CACNG1: variants seen among roughly 807,000 people sequenced by gnomAD.
CACNG1 encodes calcium voltage-gated channel auxiliary subunit gamma 1.
A neutral mutation model predicts 22.0 loss-of-function variants in CACNG1; 21 were observed. The observed-to-expected ratio is 0.95, with a 90% CI of 0.68 to 1.37. The LOEUF (loss-of-function observed/expected upper bound fraction) is 1.37. Among genes scored for constraint, CACNG1 ranks in the 40% most tolerant of loss-of-function variants. The pLI, the probability that CACNG1 is intolerant of heterozygous loss-of-function variation, is 0.00. For missense variants in CACNG1, 291 were observed against 308.6 expected (o/e 0.94, Z 0.43); for synonymous variants, 127 against 129.2 (o/e 0.98, Z 0.12).
Position 67,054,976 on chromosome 17 carries a change from T to C in CACNG1, c.305-127T>C. 1.1e-6 allele frequency: 1 copy of C among 920,290 alleles called. No homozygotes were observed. The highest frequency in any genetic ancestry group is 1.8e-5 in the African/African-American group (1 of 55,646). The allele number at this position is 920,290 out of a possible 1,614,324, so 57.0% of individuals were successfully genotyped here. On this transcript the variant is annotated intron_variant, in intron 2 of 3. Coordinates refer to ENST00000226021, the MANE Select transcript of CACNG1 (RefSeq NM_000727.4). The surrounding 1 kb of genome is among the most constrained non-coding windows in gnomAD (Gnocchi z 4.6). ...ACAAGACAGACACAGAGACACACAC[T>C]TGACACACACACAATGACACACACA...
rs1024707786 is a variant in CACNG1, at chr17:67,056,205, G to A, written c.603G>A (p.Leu201=). 8.7e-6 allele frequency: 14 copies of A among 1,613,786 alleles called. No individual in the cohort carries two copies. The highest frequency in any genetic ancestry group is 4.0e-5 in the African/African-American group (3 of 74,854). The change falls in exon 4 of 4, where the codon CTG becomes CTA. Residue 201 remains leucine (L), a synonymous_variant. Transcript: ENST00000226021. The surrounding 1 kb of genome is among the most constrained non-coding windows in gnomAD (Gnocchi z 4.3). ...LLFLGGLALL[L]FSLPRMPRNP... ...TTCTCGGCGGTCTCGCCCTCCTGCT[G>A]TTCTCCCTGCCTCGAATGCCCCGGA...
At position 67,044,691 on chromosome 17, in the gene CACNG1, G is replaced by T; in HGVS notation, c.31G>T (p.Val11Leu). 1 of 1,609,400 alleles carries T rather than the reference G, an allele frequency of 6.2e-7. No homozygotes were observed. MSQTKMLKVRVTLFCILAGIV... is the reference protein window; with the variant it reads MSQTKMLKVRLTLFCILAGIV... The stretch of plus-strand genomic sequence containing the variant: ...CCAGACCAAAATGCTGAAGGTCCGC[G>T]TGACCCTCTTCTGCATCCTGGCAGG... The change falls in exon 1 of 4, where the codon GTG becomes TTG. Residue 11 changes from valine (V) to leucine (L), a missense_variant. Coordinates refer to ENST00000226021, the MANE Select transcript of CACNG1 (RefSeq NM_000727.4). The surrounding 1 kb of genome is among the most constrained non-coding windows in gnomAD (Gnocchi z 6.9).
At chr17:67,051,332 T>G (rs1411238002) in intron 1 of CACNG1, among the ~76,000 whole-genome samples, 2 of 152,164 alleles carry the variant, frequency 1.3e-5, no homozygotes, top group Non-Finnish European at 2.9e-5. Context: ...TGATTTGTCC[T>G]AAATGAGGCC....
chr17:67,051,965 T>A (rs914567233), intron 1 of CACNG1, among the ~76,000 whole-genome samples: 3 of 152,190 alleles, frequency 2.0e-5, no homozygotes, highest in Non-Finnish European at 2.9e-5. Flanking sequence ...GACCATGAAA[T>A]ACACTTGAAT....
At position 67,056,198 on chromosome 17, in the gene CACNG1, T is replaced by C; in HGVS notation, c.596T>C (p.Leu199Pro). Residue 199 changes from leucine (L) to proline (P), a missense_variant, in exon 4 of 4, where the codon CTC (leucine) becomes CCC (proline). Transcript: ENST00000226021. This position sits in a 1 kb window ranked among gnomAD's most constrained non-coding sequence, Gnocchi z 4.3. ...FILLFLGGLA[L>P]LLFSLPRMPR... is the part of the protein sequence containing the mutation. ...CTCCTCTTTCTCGGCGGTCTCGCCC[T>C]CCTGCTGTTCTCCCTGCCTCGAATG... 1 of 1,613,892 alleles carries C rather than the reference T, an allele frequency of 6.2e-7. No individual in the cohort carries two copies.
rs776408885 is a variant in CACNG1, at chr17:67,044,722, T to C, written c.62T>C (p.Val21Ala). The change falls in exon 1 of 4, where the codon GTG becomes GCG. Residue 21 changes from valine to alanine, a missense_variant. Val to Ala is a moderately conservative substitution (Grantham distance 64). Transcript: ENST00000226021. The surrounding 1 kb of genome is among the most constrained non-coding windows in gnomAD (Gnocchi z 6.9). Reference protein sequence around the residue: ...VTLFCILAGIVLAMTAVVTDH... With the variant: ...VTLFCILAGIALAMTAVVTDH... ...CTCTTCTGCATCCTGGCAGGCATCG[T>C]GCTGGCCATGACAGCCGTGGTAACC... is the stretch of plus-strand genomic sequence containing the variant. The C allele has an allele frequency of 2.5e-6, 4 of 1,612,328 alleles. No homozygotes were observed. Among genetic ancestry groups the C allele is most frequent in the Non-Finnish European group, 3.4e-6 (4 of 1,180,010 alleles).
At position 67,055,259 on chromosome 17, in the gene CACNG1, C is replaced by T; in HGVS notation, c.442+19C>T. On this transcript the variant is annotated intron_variant, in intron 3 of 3. Coordinates refer to ENST00000226021, the MANE Select transcript of CACNG1 (RefSeq NM_000727.4). This position sits in a 1 kb window ranked among gnomAD's most constrained non-coding sequence, Gnocchi z 4.5. Reference sequence around the variant, plus strand: ...TTTGCAGGTAGACTGGGGGATCTGCCTGAGCGCCGGGGCCGGGGGACCATG... The same window carrying T: ...TTTGCAGGTAGACTGGGGGATCTGCTTGAGCGCCGGGGCCGGGGGACCATG... 1 of 1,605,950 alleles carries T rather than the reference C, an allele frequency of 6.2e-7. No individual in the cohort carries two copies. The highest frequency in any genetic ancestry group is 1.3e-5 in the African/African-American group (1 of 74,920).
rs200115411 is a variant in CACNG1 at position 67,044,852 on chromosome 17, C to T, written c.192C>T (p.Asp64=). The change falls in exon 1 of 4, where the codon GAC becomes GAT. Residue 64 remains aspartate, a synonymous_variant. Coordinates refer to ENST00000226021, the MANE Select transcript of CACNG1 (RefSeq NM_000727.4). The surrounding 1 kb of genome is among the most constrained non-coding windows in gnomAD (Gnocchi z 6.9). ...TTTGTACCAAGCGCATCCCCATGGA[C>T]GACAGCAAGACCTGCGGGCCCATCA... ...WRICTKRIPM[D]DSKTCGPITL... 7.0e-5 allele frequency: 113 copies of T among 1,613,386 alleles called. No homozygotes were observed. Among genetic ancestry groups the T allele is most frequent in the Admixed American group, 8.3e-5 (5 of 60,020 alleles).
Position 67,048,421 on chromosome 17 carries a change from GGAGTTAGA to G in CACNG1, c.229+3535_229+3542del, listed in dbSNP as rs2035710228. Among the ~76,000 whole-genome samples, 12 of 152,124 alleles carry G rather than the reference GGAGTTAGA, an allele frequency of 7.9e-5. No individual in the cohort carries two copies. In the South Asian group the frequency reaches 2.5e-3, roughly 32 times the overall value. On this transcript the variant is annotated intron_variant, in intron 1 of 3. Transcript: ENST00000226021. ...TAGGTGAGGGAATTGTTTGATCCCA[GGAGTTAGA>G]GACTACAGTGAACTATGATCATGCC... is the stretch of plus-strand genomic sequence containing the variant.
Position 67,044,913 on chromosome 17 carries a change from G to A in CACNG1, c.229+24G>A, listed in dbSNP as rs745929237. ...GGGTAACGTACCCACCCTCCGTCCC[G>A]ATCCCCACCTCCTGCTCTTCCCCGT... On this transcript the variant is annotated intron_variant, in intron 1 of 3. Transcript: ENST00000226021. The surrounding 1 kb of genome is among the most constrained non-coding windows in gnomAD (Gnocchi z 6.9). The A allele has an allele frequency of 3.8e-5, 60 of 1,566,172 alleles. 1 individual carries two copies. The highest frequency in any genetic ancestry group is 8.5e-5 in the Admixed American group (5 of 58,864).
rs1257298909 is a variant in CACNG1 at position 67,056,767 on chromosome 17, C to G, written c.*496C>G. 1.9e-5 allele frequency: 3 copies of G among 155,698 alleles called. No homozygotes were observed. The highest frequency in any genetic ancestry group is 1.2e-4 in the Admixed American group (2 of 16,098). The allele number at this position is 155,698 out of a possible 1,614,324, so 9.6% of individuals were successfully genotyped here. On this transcript the variant is annotated 3_prime_UTR_variant, in exon 4 of 4. Coordinates refer to ENST00000226021, the MANE Select transcript of CACNG1 (RefSeq NM_000727.4). This position sits in a 1 kb window ranked among gnomAD's most constrained non-coding sequence, Gnocchi z 4.3. The stretch of plus-strand genomic sequence containing the variant: ...GCATTTTTAACTGGGTAGAATCTGA[C>G]TGTGGCTTGAAATAAAAAGCTCTCA...
Position 67,055,108 on chromosome 17 carries a change from A to G in CACNG1, c.310A>G (p.Ser104Gly). The change falls in exon 3 of 4, where the codon AGC (serine) becomes GGC (glycine). Residue 104 changes from serine to glycine, a missense_variant. Transcript: ENST00000226021. The surrounding 1 kb of genome is among the most constrained non-coding windows in gnomAD (Gnocchi z 4.5). ...GGTGTCCCTTGTGTTTGCAGAGTACAGCATCTCGGCAGCCGCCATCGCCAT... is the reference window on the plus strand; with the variant it reads ...GGTGTCCCTTGTGTTTGCAGAGTACGGCATCTCGGCAGCCGCCATCGCCAT... ...IFEFTTQKEY[S>G]ISAAAIAIFS... 1 of 1,613,954 alleles carries G rather than the reference A, an allele frequency of 6.2e-7. No homozygotes were observed. The highest frequency in any genetic ancestry group is 1.1e-5 in the South Asian group (1 of 91,058).
Position 67,044,964 on chromosome 17 carries a change from C to A in CACNG1, c.229+75C>A, listed in dbSNP as rs540371507. 1.4e-5 allele frequency: 17 copies of A among 1,218,924 alleles called. No homozygotes were observed. The Admixed American group carries it at 2.4e-4, about 17-fold the overall frequency. The allele number at this position is 1,218,924 out of a possible 1,614,324, so 75.5% of individuals were successfully genotyped here. On this transcript the variant is annotated intron_variant, in intron 1 of 3. Coordinates refer to ENST00000226021, the MANE Select transcript of CACNG1 (RefSeq NM_000727.4). This position sits in a 1 kb window ranked among gnomAD's most constrained non-coding sequence, Gnocchi z 6.9. The stretch of plus-strand genomic sequence containing the variant: ...CATCCCCCTGGCAAAGTTGCCCTTG[C>A]GAAGGAAGGCAGGTTTCTCTGCCTA...
rs1400841249 is a variant in CACNG1, at chr17:67,054,833, C to T, written c.305-270C>T. On this transcript the variant is annotated intron_variant, in intron 2 of 3. Transcript: ENST00000226021. The surrounding 1 kb of genome is among the most constrained non-coding windows in gnomAD (Gnocchi z 4.6). ...GTACAATGACACAGACACAGAGACACACACTGACACACACGTACAATGACA... is the reference window on the plus strand; with the variant it reads ...GTACAATGACACAGACACAGAGACATACACTGACACACACGTACAATGACA... Among the ~76,000 whole-genome samples the T allele has an allele frequency of 6.6e-6, 1 of 151,684 alleles. No homozygotes were observed. Among genetic ancestry groups the T allele is most frequent in the Non-Finnish European group, 1.5e-5 (1 of 67,916 alleles).
Position 67,056,103 on chromosome 17 carries a change from CAGTGAGGACACCGTCTGG to C in CACNG1, c.503_520del (p.Ser168_Trp173del). 1 of 1,613,722 alleles carries C rather than the reference CAGTGAGGACACCGTCTGG, an allele frequency of 6.2e-7. No homozygotes were observed. The highest frequency in any genetic ancestry group is 8.5e-7 in the Non-Finnish European group (1 of 1,180,006). On this transcript the variant is annotated inframe_deletion, in exon 4 of 4. Transcript: ENST00000226021. The surrounding 1 kb of genome is among the most constrained non-coding windows in gnomAD (Gnocchi z 4.3). ...GGCAGTCGGTGAAGCGCATGATTGA[CAGTGAGGACACCGTCTGG>C]ATCGAGTACTATTACTCCTGGTCCT...
At position 67,055,653 on chromosome 17, in the gene CACNG1, A is replaced by C. The variant is rs2035757014; in HGVS notation, c.443-392A>C. 6.6e-6 allele frequency among the ~76,000 whole-genome samples: 1 copy of C among 152,016 alleles called. No homozygotes were observed. The highest frequency in any genetic ancestry group is 2.4e-5 in the African/African-American group (1 of 41,390). ...AGGGTTCCTCCCGCCCCAGCCTCCT[A>C]GTAGCTGGGACTACAGACGTGCACC... On this transcript the variant is annotated intron_variant, in intron 3 of 3. Coordinates refer to ENST00000226021, the MANE Select transcript of CACNG1 (RefSeq NM_000727.4). The surrounding 1 kb of genome is among the most constrained non-coding windows in gnomAD (Gnocchi z 4.5).
rs767896301 is a variant in CACNG1 at position 67,055,188 on chromosome 17, G to A, written c.390G>A (p.Gly130=). ...GCCTCTGTGTCCTCCTGTCCCTCGG[G>A]AAGAAGAGGGACTATCTGCTGCGAC... The part of the protein sequence containing the change: ...LGSLCVLLSL[G]KKRDYLLRPA... Residue 130 remains glycine, a synonymous_variant, in exon 3 of 4, where the codon GGG becomes GGA. Transcript: ENST00000226021. This position sits in a 1 kb window ranked among gnomAD's most constrained non-coding sequence, Gnocchi z 4.5. 3.7e-6 allele frequency: 6 copies of A among 1,614,170 alleles called. No individual in the cohort carries two copies. Among genetic ancestry groups the A allele is most frequent in the South Asian group, 3.3e-5 (3 of 91,088 alleles).
chr17:67,054,043 G>T lies in CACNG1; in HGVS notation c.277G>T (p.Glu93Ter), dbSNP rs1191108910. 6.2e-7 allele frequency: 1 copy of T among 1,614,174 alleles called. No homozygotes were observed. The highest frequency in any genetic ancestry group is 1.7e-5 in the Admixed American group (1 of 60,036). Reference protein sequence around the residue: ...FRHFNPGESSEIFEFTTQKEY... With the variant: ...FRHFNPGESS ...GCATTTTAACCCCGGCGAGAGCTCG[G>T]AGATCTTCGAATTCACCACTCAGAA... is the stretch of plus-strand genomic sequence containing the variant. The change falls in exon 2 of 4, where the codon GAG (glutamate) becomes TAG (stop). Residue 93 changes from glutamate (E) to a stop codon, truncating the protein, a stop_gained. Transcript: ENST00000226021. LOFTEE classifies it high-confidence loss of function. This position sits in a 1 kb window ranked among gnomAD's most constrained non-coding sequence, Gnocchi z 4.6.
In CACNG1 at chr17:67,044,856, A is replaced by C; in HGVS notation, c.196A>C (p.Ser66Arg). The C allele has an allele frequency of 6.2e-7, 1 of 1,613,380 alleles. No homozygotes were observed. Among genetic ancestry groups the C allele is most frequent in the Non-Finnish European group, 8.5e-7 (1 of 1,180,030 alleles). The change falls in exon 1 of 4, where the codon AGC becomes CGC. Residue 66 changes from serine (S) to arginine (R), a missense_variant. Transcript: ENST00000226021. This position sits in a 1 kb window ranked among gnomAD's most constrained non-coding sequence, Gnocchi z 6.9. ...ICTKRIPMDD[S>R]KTCGPITLPG... ...TACCAAGCGCATCCCCATGGACGAC[A>C]GCAAGACCTGCGGGCCCATCACCCT... is the stretch of plus-strand genomic sequence containing the variant.
Sources: gnomAD v4.1 joint callset for allele counts (sites outside exome capture counted in the v4.1 genomes callset) on GRCh38, gnomAD v4.1.1 for gene constraint, Gnocchi (gnomAD v3.1) non-coding constraint, MANE v1.5 for transcripts, NCBI Gene and HGNC (gene_info 2026-07-23, HGNC 2026-07-21) for gene names.